The following CXCL9 variants were observed in gnomAD, a reference collection of about 807,000 sequenced individuals.
The protein encoded by CXCL9 is C-X-C motif chemokine 9.
A neutral mutation model predicts 11.7 loss-of-function variants in CXCL9; 8 were observed. The ratio of observed to expected loss-of-function variants is 0.68; its 90% confidence interval spans 0.40 to 1.23. The LOEUF (loss-of-function observed/expected upper bound fraction) is 1.23. Among genes scored for constraint, CXCL9 ranks in the 50% most tolerant of loss-of-function variants. CXCL9 has a pLI of 0.01. For synonymous variants in CXCL9, 43 were observed against 48.2 expected, an observed-to-expected ratio of 0.89 and a Z score of 0.45; for missense variants, 133 against 141.7, an observed-to-expected ratio of 0.94 and a Z score of 0.31.
In CXCL9 at chr4:76,002,722, T is replaced by C. The variant is rs1257019651; in HGVS notation, c.*876A>G. 4.9e-6 allele frequency: 1 copy of C among 202,804 alleles called. No individual in the cohort carries two copies. The highest frequency in any genetic ancestry group is 9.8e-6 in the Non-Finnish European group (1 of 101,702). The allele number at this position is 202,804 out of a possible 1,614,324, so 12.6% of individuals were successfully genotyped here. ...ACTGAACCAAGTGAAACAGGAGTTT[T>C]AAGATAATTTGTGTGTCCAAAAAGG... On this transcript the variant is annotated 3_prime_UTR_variant, in exon 4 of 4. Coordinates refer to ENST00000264888, the MANE Select transcript of CXCL9 (RefSeq NM_002416.3).
chr4:76,003,780 T>C (rs10031452), intron 3 of CXCL9, 81 bp from the exon 4 acceptor site: 468,652 of 798,814 alleles, frequency 0.59, 143,150 homozygotes, highest in East Asian at 0.93. Flanking sequence ...TCCTGATCAT[T>C]GTCTCATACC....
rs950365930 is a variant in CXCL9, at chr4:76,002,704, C to T, written c.*894G>A. 5 of 232,480 alleles carry T rather than the reference C, an allele frequency of 2.2e-5. No homozygotes were observed. Among genetic ancestry groups the T allele is most frequent in the African/African-American group, 6.7e-5 (3 of 44,520 alleles). 14.4% of individuals were successfully genotyped at this position (232,480 alleles called of 1,614,324 possible). On this transcript the variant is annotated 3_prime_UTR_variant, in exon 4 of 4. Coordinates refer to ENST00000264888, the MANE Select transcript of CXCL9 (RefSeq NM_002416.3). ...AGTGTTCACCCATGTGGTACTGAAC[C>T]AAGTGAAACAGGAGTTTTAAGATAA...
intron 1 of CXCL9, 83 bp downstream of exon 1, chr4:76,007,303 A>G: frequency 2.4e-6 from 2 of 835,078 alleles, no homozygotes; most frequent in Non-Finnish European, 4.3e-6. Flanking sequence ...TGCAGGCAGA[A>G]CATTCACCTT....
intron 1 of CXCL9, among the ~76,000 whole-genome samples, chr4:76,007,107 A>C (rs1731600782): frequency 6.6e-6 from 1 of 152,190 alleles, no homozygotes. Flanking sequence ...GGGAGAAGAA[A>C]ATAATTTAGG....
At position 76,002,501 on chromosome 4, in the gene CXCL9, T is replaced by C. The variant is rs2149341284; in HGVS notation, c.*1097A>G. On this transcript the variant is annotated 3_prime_UTR_variant, in exon 4 of 4. Coordinates refer to ENST00000264888, the MANE Select transcript of CXCL9 (RefSeq NM_002416.3). Reference sequence around the variant, plus strand: ...AGAGCCAGCACCTGCTCTGAGACAATGGTCTGGTTGCCATCCTGCCCATAA... The same window carrying C: ...AGAGCCAGCACCTGCTCTGAGACAACGGTCTGGTTGCCATCCTGCCCATAA... The C allele has an allele frequency of 2.5e-6, 1 of 397,010 alleles. No individual in the cohort carries two copies. Among genetic ancestry groups the C allele is most frequent in the Non-Finnish European group, 4.4e-6 (1 of 225,504 alleles). 24.6% of individuals were successfully genotyped at this position (397,010 alleles called of 1,614,324 possible).
chr4:76,002,596 A>T lies in CXCL9; in HGVS notation c.*1002T>A, dbSNP rs1230962483. The T allele has an allele frequency of 2.7e-6, 1 of 373,686 alleles. No homozygotes were observed. The highest frequency in any genetic ancestry group is 4.7e-6 in the Non-Finnish European group (1 of 210,986). 23.1% of individuals were successfully genotyped at this position (373,686 alleles called of 1,614,324 possible). A position where few individuals can be genotyped will look rare whatever the true frequency, so the allele number is the denominator to read the frequency against. On this transcript the variant is annotated 3_prime_UTR_variant, in exon 4 of 4. Transcript: ENST00000264888. ...TTAGGCACTGTGGAAGAAACAGGGA[A>T]ATATACTGTGGCTCTTGCCCTCAAG...
intron 1 of CXCL9, among the ~76,000 whole-genome samples, chr4:76,006,539 C>T (rs75180995): frequency 0.013 from 1,918 of 152,280 alleles, 66 homozygotes; most frequent in East Asian, 0.11. Context: ...AGTCCAAAGG[C>T]GTTGCTCTTA....
rs114272203 is a variant in CXCL9 at position 76,005,994 on chromosome 4, G to C, written c.191+154C>G. On this transcript the variant is annotated intron_variant, in intron 2 of 3. Coordinates refer to ENST00000264888, the MANE Select transcript of CXCL9 (RefSeq NM_002416.3). ...ACCAGAAATTCCTTGCATTTTTAAG[G>C]AGAAGAAAAGAAAGGAGCTGCCCAA... 4.0e-3 allele frequency: 2,433 copies of C among 607,850 alleles called. 46 individuals carry two copies. Among genetic ancestry groups the C allele is most frequent in the African/African-American group, 0.04 (2,160 of 54,132 alleles). 37.7% of individuals were successfully genotyped at this position (607,850 alleles called of 1,614,324 possible).
rs1172460629 is a variant in CXCL9 at position 76,002,189 on chromosome 4, G to A, written c.*1409C>T. 1.3e-5 allele frequency: 5 copies of A among 397,244 alleles called. No individual in the cohort carries two copies. In the Admixed American group the frequency reaches 1.8e-4, roughly 14 times the overall value. The allele number at this position is 397,244 out of a possible 1,614,324, so 24.6% of individuals were successfully genotyped here. A position where few individuals can be genotyped will look rare whatever the true frequency, so the allele number is the denominator to read the frequency against. On this transcript the variant is annotated 3_prime_UTR_variant, in exon 4 of 4. Coordinates refer to ENST00000264888, the MANE Select transcript of CXCL9 (RefSeq NM_002416.3). ...CTTATTGAGAAAGCCCTTTTCCTTCGGGAAAAGGAATTTTTGTATGGTTGG... is the reference window on the plus strand; with the variant it reads ...CTTATTGAGAAAGCCCTTTTCCTTCAGGAAAAGGAATTTTTGTATGGTTGG...
chr4:76,003,581 A>C lies in CXCL9; in HGVS notation c.*17T>G. The C allele has an allele frequency of 7.3e-7, 1 of 1,376,366 alleles. No individual in the cohort carries two copies. The highest frequency in any genetic ancestry group is 2.3e-5 in the East Asian group (1 of 43,824). The allele number at this position is 1,376,366 out of a possible 1,614,324, so 85.3% of individuals were successfully genotyped here. On this transcript the variant is annotated 3_prime_UTR_variant, in exon 4 of 4. Transcript: ENST00000264888. ...AGAACATTTTTAACACAGAATACTT[A>C]TTGGTGAAGTGGTCTCTTATGTAGT...
At chr4:76,004,431 C>G (rs1731538973) in intron 3 of CXCL9, among the ~76,000 whole-genome samples, 1 of 152,204 alleles carries the variant, frequency 6.6e-6, no homozygotes, top group South Asian at 2.1e-4. Flanking sequence ...TCTATGTCGT[C>G]AAGATTCTTG....
chr4:76,003,652 C>CT lies in CXCL9; in HGVS notation c.323dup (p.Lys109GlufsTer47), dbSNP rs770761582. ...GAGATTTTCGAACTTTCAGAACTTT[C>CT]TTTTTTTGATGTTTTTTCCCATTCT... On this transcript the variant is annotated frameshift_variant, in exon 4 of 4. Transcript: ENST00000264888. LOFTEE classifies it high-confidence loss of function. 9 of 1,612,768 alleles carry CT rather than the reference C, an allele frequency of 5.6e-6. No individual in the cohort carries two copies. The Admixed American group carries it at 1.2e-4, about 21-fold the overall frequency.
In CXCL9 at chr4:76,007,372, T is replaced by A; in HGVS notation, c.64+14A>T. ...CACTTCTCTTACTTTACAACCTAAC[T>A]CAGAACCCCTTACCTTGCACTCCAA... On this transcript the variant is annotated intron_variant, in intron 1 of 3. Transcript: ENST00000264888. The A allele has an allele frequency of 1.3e-6, 2 of 1,487,346 alleles. No homozygotes were observed. Among genetic ancestry groups the A allele is most frequent in the Non-Finnish European group, 1.9e-6 (2 of 1,064,396 alleles). 92.1% of individuals were successfully genotyped at this position (1,487,346 alleles called of 1,614,324 possible).
Position 76,003,704 on chromosome 4 carries a change from G to A in CXCL9, c.277-5C>T. On this transcript the variant is annotated splice_polypyrimidine_tract_variant and splice_region_variant and intron_variant, in intron 3 of 3. Transcript: ENST00000264888. ...TTGCTTTTTCTTTTGGCTGACCTGTGAGAAGAAGGGGAAAAAGGGCAATGT... is the reference window on the plus strand; with the variant it reads ...TTGCTTTTTCTTTTGGCTGACCTGTAAGAAGAAGGGGAAAAAGGGCAATGT... 1 of 1,535,120 alleles carries A rather than the reference G, an allele frequency of 6.5e-7. No individual in the cohort carries two copies. The highest frequency in any genetic ancestry group is 1.1e-5 in the South Asian group (1 of 88,856).
Position 76,001,688 on chromosome 4 carries a change from G to C in CXCL9, c.*1910C>G, listed in dbSNP as rs1731468230. ...TATACTGTCTACCTGTGAGATGCAA[G>C]GTAAGTGGGTCACAGACTCTCAAAT... On this transcript the variant is annotated 3_prime_UTR_variant, in exon 4 of 4. Coordinates refer to ENST00000264888, the MANE Select transcript of CXCL9 (RefSeq NM_002416.3). 1 of 152,186 alleles carries C rather than the reference G, an allele frequency of 6.6e-6. No homozygotes were observed. The highest frequency in any genetic ancestry group is 6.5e-5 in the Admixed American group (1 of 15,272). 9.4% of individuals were successfully genotyped at this position (152,186 alleles called of 1,614,324 possible).
In CXCL9 at chr4:76,007,471, G is replaced by A; in HGVS notation, c.-22C>T. On this transcript the variant is annotated 5_prime_UTR_variant, in exon 1 of 4. Coordinates refer to ENST00000264888, the MANE Select transcript of CXCL9 (RefSeq NM_002416.3). ...TCATAGTGATAGAATGGAGTTCCAA[G>A]TCACTCCTGTATTGGATTTTGAGCC... 1 of 1,376,150 alleles carries A rather than the reference G, an allele frequency of 7.3e-7. No individual in the cohort carries two copies. Among genetic ancestry groups the A allele is most frequent in the Non-Finnish European group, 1.0e-6 (1 of 962,618 alleles). The allele number at this position is 1,376,150 out of a possible 1,614,324, so 85.2% of individuals were successfully genotyped here.
intron 3 of CXCL9, among the ~76,000 whole-genome samples, chr4:76,004,605 A>G (rs1731548406): frequency 6.6e-6 from 1 of 152,226 alleles, no homozygotes; most frequent in Non-Finnish European, 1.5e-5. Flanking sequence ...AGGAACACAC[A>G]TTCTTCCAGT....
rs896747073 is a variant in CXCL9, at chr4:76,002,488, T to C, written c.*1110A>G. On this transcript the variant is annotated 3_prime_UTR_variant, in exon 4 of 4. Coordinates refer to ENST00000264888, the MANE Select transcript of CXCL9 (RefSeq NM_002416.3). ...GAGTAGCCAGGAAAGAGCCAGCACCTGCTCTGAGACAATGGTCTGGTTGCC... is the reference window on the plus strand; with the variant it reads ...GAGTAGCCAGGAAAGAGCCAGCACCCGCTCTGAGACAATGGTCTGGTTGCC... The C allele has an allele frequency of 2.5e-6, 1 of 397,194 alleles. No homozygotes were observed. Among genetic ancestry groups the C allele is most frequent in the African/African-American group, 2.1e-5 (1 of 48,604 alleles). The allele number at this position is 397,194 out of a possible 1,614,324, so 24.6% of individuals were successfully genotyped here.
At chr4:76,006,000 A>G (rs1414304437) in intron 2 of CXCL9, 148 bp downstream of exon 2, 2 of 638,956 alleles carry the variant, frequency 3.1e-6, no homozygotes, top group Non-Finnish European at 5.5e-6. Flanking sequence ...TAAGGAGAAG[A>G]AAAGAAAGGA....
Sources: allele counts gnomAD v4.1 joint callset (sites outside exome capture counted in the v4.1 genomes callset), GRCh38; gene constraint gnomAD v4.1.1; transcripts MANE v1.5; gene names NCBI Gene and HGNC (gene_info 2026-07-23, HGNC 2026-07-21).